VGLL4: variants seen among roughly 807,000 people sequenced by gnomAD.
The protein encoded by VGLL4 is vestigial like family member 4.
Under a neutral mutation model 21.0 loss-of-function variants are expected in VGLL4, and 7 were observed. The ratio of observed to expected loss-of-function variants is 0.33; its 90% CI spans 0.19 to 0.63. VGLL4 has a LOEUF of 0.63. Among genes scored for constraint, VGLL4 ranks in the 20% least tolerant of loss-of-function variants. The pLI is 0.78. For synonymous variants in VGLL4, 222 were observed against 173.2 expected, an observed-to-expected ratio of 1.28 and a Z score of -2.21; for missense variants, 394 against 425.7, an observed-to-expected ratio of 0.93 and a Z score of 0.66.
At chr3:11,643,336 C>G in intron 1 of VGLL4, 101 bp downstream of exon 1, 13 of 1,590,276 alleles carry the variant, frequency 8.2e-6, no homozygotes, top group Non-Finnish European at 1.1e-5. Flanking sequence ...GCCCTACACC[C>G]CGGAGGAGGA....
intron 2 of VGLL4, among the ~76,000 whole-genome samples, chr3:11,584,752 T>C (rs2074322686): frequency 6.6e-6 from 1 of 151,796 alleles, no homozygotes; most frequent in South Asian, 2.1e-4. Flanking sequence ...GATACTGTGA[T>C]ATTTCTTGGA....
chr3:11,707,877 T>C (rs2076784835), intron 1 of VGLL4, among the ~76,000 whole-genome samples: 1 of 151,988 alleles, frequency 6.6e-6, no homozygotes, highest in Non-Finnish European at 1.5e-5. Flanking sequence ...AAACAAAAAG[T>C]CTTCTGCATT....
At chr3:11,628,616 T>C (rs2616545) in intron 1 of VGLL4, among the ~76,000 whole-genome samples, 115,955 of 150,082 alleles carry the variant, frequency 0.77, 44,872 homozygotes, top group Admixed American at 0.83. Context: ...GTCAGGAGAT[T>C]GAGACCATCC....
At chr3:11,652,406 G>A (rs2075886319) in intron 2 of VGLL4, among the ~76,000 whole-genome samples, 1 of 152,034 alleles carries the variant, frequency 6.6e-6, no homozygotes, top group African/African-American at 2.4e-5. Context: ...AGTGCAGACT[G>A]GGAATGGTGT....
chr3:11,604,343 A>C, intron 1 of VGLL4: 1 of 919,530 alleles, frequency 1.1e-6, no homozygotes, highest in Non-Finnish European at 1.3e-6. Flanking sequence ...TCCAGTTAAC[A>C]GGTTAGCTGG....
chr3:11,711,055 G>A (rs1323959786), intron 1 of VGLL4, among the ~76,000 whole-genome samples: 2 of 149,360 alleles, frequency 1.3e-5, no homozygotes, highest in East Asian at 2.0e-4. Context: ...AGCTGAGATC[G>A]CACCATAGCA....
intron 1 of VGLL4, among the ~76,000 whole-genome samples, chr3:11,634,307 T>C (rs532208111): frequency 4.9e-4 from 74 of 152,228 alleles, no homozygotes; most frequent in Non-Finnish European, 8.4e-4. Context: ...GGAGGCACCC[T>C]TAGTGTCTCC....
At chr3:11,665,535 T>C (rs1413643303) in intron 2 of VGLL4, among the ~76,000 whole-genome samples, 3 of 152,152 alleles carry the variant, frequency 2.0e-5, no homozygotes, top group Non-Finnish European at 4.4e-5. Flanking sequence ...GCTGAGTGAC[T>C]CCGGAGTGGC....
At chr3:11,600,863 G>C (rs1465351226) in intron 2 of VGLL4, among the ~76,000 whole-genome samples, 1 of 152,100 alleles carries the variant, frequency 6.6e-6, no homozygotes, top group Non-Finnish European at 1.5e-5. Flanking sequence ...CTTGGGAAGG[G>C]GGAAGGAGGA....
chr3:11,692,701 G>C (rs1457864815), intron 2 of VGLL4, among the ~76,000 whole-genome samples: 2 of 151,658 alleles, frequency 1.3e-5, no homozygotes, highest in African/African-American at 4.8e-5. Context: ...CAGCACCAAA[G>C]GAGGAAGGAA....
At chr3:11,628,771 G>C (rs1234233324) in intron 1 of VGLL4, among the ~76,000 whole-genome samples, 1 of 152,228 alleles carries the variant, frequency 6.6e-6, no homozygotes, top group Non-Finnish European at 1.5e-5. Context: ...AGTGAGCAGA[G>C]ATCGCACCAC....
At chr3:11,690,630 C>T (rs2076513434) in intron 2 of VGLL4, among the ~76,000 whole-genome samples, 1 of 151,518 alleles carries the variant, frequency 6.6e-6, no homozygotes, top group African/African-American at 2.4e-5. Context: ...GACGTTTAAG[C>T]AACATTTTCC....
At position 11,571,750 on chromosome 3, in the gene VGLL4, C is replaced by T. The variant is rs577328475; in HGVS notation, c.273-6731G>A. On this transcript the variant is annotated intron_variant, in intron 2 of 4. Transcript: ENST00000430365. ...ATTTCAGAAATCAACTCCATGGACC[C>T]GGCAACACAGGACTCATTTGCTCCA... Among the ~76,000 whole-genome samples, 72 of 152,282 alleles carry T rather than the reference C, an allele frequency of 4.7e-4. 1 individual carries two copies. Among genetic ancestry groups the T allele is most frequent in the African/African-American group, 1.7e-3 (72 of 41,552 alleles).
intron 2 of VGLL4, among the ~76,000 whole-genome samples, chr3:11,580,579 G>T (rs546467971): frequency 1.3e-5 from 2 of 152,232 alleles, no homozygotes; most frequent in African/African-American, 4.8e-5. Context: ...AGTAAAGGAG[G>T]TGGGAAGTAT....
At chr3:11,576,912 A>G (rs2074067883) in intron 2 of VGLL4, among the ~76,000 whole-genome samples, 1 of 152,244 alleles carries the variant, frequency 6.6e-6, no homozygotes, top group African/African-American at 2.4e-5. Context: ...AAACGGGAAC[A>G]GTGTCTGCTC....
At chr3:11,644,934 CA>C (rs1343693866), upstream of VGLL4, among the ~76,000 whole-genome samples, 1 of 150,292 alleles carries the variant, frequency 6.7e-6, no homozygotes, top group African/African-American at 2.4e-5. Context: ...GCTATAATAT[CA>C]AAAATTAAAA....
chr3:11,567,502 T>C (rs986866570), intron 2 of VGLL4, among the ~76,000 whole-genome samples: 3 of 152,190 alleles, frequency 2.0e-5, no homozygotes, highest in African/African-American at 7.2e-5. Context: ...GTCTAGATAG[T>C]AGGTTCCATC....
At chr3:11,648,618 G>A (rs909691437), upstream of VGLL4, among the ~76,000 whole-genome samples, 1 of 152,168 alleles carries the variant, frequency 6.6e-6, no homozygotes, top group African/African-American at 2.4e-5. Flanking sequence ...ATACAAAACT[G>A]AAGAATATAT....
intron 1 of VGLL4, among the ~76,000 whole-genome samples, chr3:11,609,531 A>G (rs1315058280): frequency 6.6e-6 from 1 of 152,250 alleles, no homozygotes; most frequent in African/African-American, 2.4e-5. Flanking sequence ...ACCTGGACAA[A>G]TAGAATCTGG....
Sources: allele counts gnomAD v4.1 joint callset (sites outside exome capture counted in the v4.1 genomes callset), GRCh38; gene constraint gnomAD v4.1.1; transcripts MANE v1.5; gene names NCBI Gene and HGNC (gene_info 2026-07-23, HGNC 2026-07-21).